TSG101: variants seen among roughly 807,000 people sequenced by gnomAD.
TSG101 encodes tumor susceptibility gene 101 protein.
A neutral mutation model predicts 48.5 loss-of-function variants in TSG101; 19 were observed. The ratio of observed to expected loss-of-function variants is 0.39; its 90% CI spans 0.27 to 0.58. TSG101 has a LOEUF of 0.58. Among genes scored for constraint, TSG101 ranks in the 20% least tolerant of loss-of-function variants. TSG101 has a pLI of 0.55. For synonymous variants in TSG101, 174 were observed against 169.4 expected, an observed-to-expected ratio of 1.03 and a Z score of -0.21; for missense variants, 365 against 484.4, an observed-to-expected ratio of 0.75 and a Z score of 2.31.
At chr11:18,522,463 C>G (rs755906872) in intron 1 of TSG101, among the ~76,000 whole-genome samples, 1 of 152,184 alleles carries the variant, frequency 6.6e-6, no homozygotes, top group African/African-American at 2.4e-5. Context: ...GTCAAAATAT[C>G]CTGTTAGCTT....
intron 6 of TSG101, among the ~76,000 whole-genome samples, chr11:18,506,391 T>TAA (rs113581499): frequency 6.7e-6 from 1 of 148,168 alleles, no homozygotes; most frequent in African/African-American, 2.5e-5. Flanking sequence ...TCTCTTCTTT[T>TAA]AAAAAAAAAA....
At chr11:18,490,788 A>T (rs549992625) in intron 7 of TSG101, 3 of 522,984 alleles carry the variant, frequency 5.7e-6, no homozygotes, top group Middle Eastern at 3.7e-4. Flanking sequence ...ATGCCAGGAA[A>T]GCAGCGGGCA....
Position 18,480,609 on chromosome 11 carries a change from C to T in TSG101, c.1110G>A (p.Gln370=). 1 of 1,613,898 alleles carries T rather than the reference C, an allele frequency of 6.2e-7. No homozygotes were observed. Among genetic ancestry groups the T allele is most frequent in the Non-Finnish European group, 8.5e-7 (1 of 1,179,918 alleles). Residue 370 remains glutamine (Q), a synonymous_variant, in exon 10 of 10, where the codon CAG becomes CAA. Coordinates refer to ENST00000251968, the MANE Select transcript of TSG101 (RefSeq NM_006292.4). ...LKHVRLLSRK[Q]FQLRALMQKA... is the part of the protein sequence containing the mutation. ...TTTGCATTAGTGCCCTCAGCTGGAA[C>T]TGTTTACGGGACAGAAGACGTACAT...
chr11:18,483,860 A>G lies in TSG101; in HGVS notation c.843+10T>C. On this transcript the variant is annotated intron_variant, in intron 8 of 9. Coordinates refer to ENST00000251968, the MANE Select transcript of TSG101 (RefSeq NM_006292.4). The stretch of plus-strand genomic sequence containing the variant: ...ATCCAAAAATTTTAAGTCTTTAATG[A>G]GTCACTTACTACTTCTTGATCTAAA... The G allele has an allele frequency of 6.2e-7, 1 of 1,613,728 alleles. No individual in the cohort carries two copies. The highest frequency in any genetic ancestry group is 8.5e-7 in the Non-Finnish European group (1 of 1,179,938).
chr11:18,514,599 T>G, intron 4 of TSG101, 79 bp downstream of exon 4: 1 of 1,231,716 alleles, frequency 8.1e-7, no homozygotes, highest in East Asian at 2.7e-5. Context: ...GAATCCTCCT[T>G]GAGTGCTAAA....
intron 4 of TSG101, among the ~76,000 whole-genome samples, chr11:18,510,377 C>T (rs1032001903): frequency 2.6e-5 from 4 of 152,156 alleles, no homozygotes; most frequent in African/African-American, 4.8e-5. Flanking sequence ...GCTGAGATCA[C>T]ACCACTGCAC....
At chr11:18,505,116 A>G (rs1206251190) in intron 6 of TSG101, among the ~76,000 whole-genome samples, 1 of 152,182 alleles carries the variant, frequency 6.6e-6, no homozygotes, top group African/African-American at 2.4e-5. Context: ...TTTACCTATG[A>G]CATGTGTTCA....
intron 1 of TSG101, among the ~76,000 whole-genome samples, chr11:18,524,540 C>T (rs117777920): frequency 1.7e-3 from 264 of 152,326 alleles, no homozygotes; most frequent in Non-Finnish European, 3.1e-3. Context: ...ACAACTGCTT[C>T]TATTACTTTA....
At chr11:18,499,397 TATATA>T (rs1171170327) in intron 7 of TSG101, among the ~76,000 whole-genome samples, 2 of 13,056 alleles carry the variant, frequency 1.5e-4, no homozygotes, top group Non-Finnish European at 2.9e-4. Flanking sequence ...TATATATATA[TATATA>T]TTTTTTTTTT....
chr11:18,500,121 T>G (rs1280670811), intron 7 of TSG101, among the ~76,000 whole-genome samples: 5 of 152,214 alleles, frequency 3.3e-5, no homozygotes, highest in Admixed American at 3.3e-4. Context: ...GCGCCTAGTT[T>G]ATTTCCAATT....
intron 4 of TSG101, among the ~76,000 whole-genome samples, chr11:18,513,884 C>T (rs145861165): frequency 0.012 from 1,879 of 152,190 alleles, 36 homozygotes; most frequent in African/African-American, 0.042. Context: ...AGAACAGCCT[C>T]ACCAACATGG....
In TSG101 at chr11:18,516,334, T is replaced by C. The variant is rs115752480; in HGVS notation, c.128-170A>G. 6.8e-3 allele frequency among the ~76,000 whole-genome samples: 1,038 copies of C among 152,090 alleles called. 6 individuals carry two copies. Among genetic ancestry groups the C allele is most frequent in the African/African-American group, 0.024 (983 of 41,496 alleles). ...AACAATTCTTTGTTGATTCACTCAA[T>C]GTCATTGATCAGCTCTTTTTTGTTT... On this transcript the variant is annotated intron_variant, in intron 2 of 9. Transcript: ENST00000251968.
At chr11:18,510,078 G>C (rs767960651) in intron 4 of TSG101, among the ~76,000 whole-genome samples, 6 of 152,118 alleles carry the variant, frequency 3.9e-5, no homozygotes, top group Non-Finnish European at 8.8e-5. Context: ...TTGGAAATAC[G>C]TGTTCTTAAA....
chr11:18,516,198 A>AT, intron 2 of TSG101, 34 bp from the exon 3 acceptor site: 1 of 1,569,724 alleles, frequency 6.4e-7, no homozygotes, highest in Non-Finnish European at 8.8e-7. Context: ...AATCATGAGC[A>AT]TTTTTTAAGA....
intron 8 of TSG101, 94 bp downstream of exon 8, chr11:18,483,773 ACTC>A: frequency 7.8e-7 from 1 of 1,283,582 alleles, no homozygotes; most frequent in Non-Finnish European, 1.1e-6. Context: ...AATTTTCTGA[ACTC>A]CTACTATGCC....
intron 2 of TSG101, among the ~76,000 whole-genome samples, chr11:18,519,069 C>T (rs1455854412): frequency 6.6e-6 from 1 of 152,048 alleles, no homozygotes; most frequent in Non-Finnish European, 1.5e-5. Flanking sequence ...GGCCCGATCT[C>T]GGCTCACTGC....
At chr11:18,489,968 A>T (rs1224209205) in intron 7 of TSG101, among the ~76,000 whole-genome samples, 1 of 152,248 alleles carries the variant, frequency 6.6e-6, no homozygotes, top group African/African-American at 2.4e-5. Flanking sequence ...ACAAAACCCC[A>T]TAATCACAGT....
intron 3 of TSG101, 138 bp from the exon 4 acceptor site, chr11:18,514,979 A>C: frequency 1.3e-6 from 1 of 784,566 alleles, no homozygotes; most frequent in Non-Finnish European, 1.8e-6. Flanking sequence ...CCCCCAGCAG[A>C]ATTTATTTCC....
At chr11:18,496,471 AT>A (rs1849782292) in intron 7 of TSG101, among the ~76,000 whole-genome samples, 1 of 146,846 alleles carries the variant, frequency 6.8e-6, no homozygotes, top group Non-Finnish European at 1.5e-5. Flanking sequence ...ATAAAATAAA[AT>A]AAAATAAAAT....
Sources: gnomAD v4.1 joint callset for allele counts (sites outside exome capture counted in the v4.1 genomes callset) on GRCh38, gnomAD v4.1.1 for gene constraint, MANE v1.5 for transcripts, NCBI Gene and HGNC (gene_info 2026-07-23, HGNC 2026-07-21) for gene names.